ATL1: variants seen among roughly 807,000 people sequenced by gnomAD.
ATL1 encodes the protein atlastin GTPase 1.
ATL1 carries 31 observed loss-of-function variants against 75.5 expected under a neutral mutation model. The ratio of observed to expected loss-of-function variants is 0.41; its 90% CI spans 0.31 to 0.55. The LOEUF (loss-of-function observed/expected upper bound fraction) is 0.55. Among genes scored for constraint, ATL1 ranks in the 20% least tolerant of loss-of-function variants. ATL1 has a pLI of 0.27. For missense variants in ATL1, 405 were observed against 662.6 expected (o/e 0.61, Z 4.27); for synonymous variants, 226 against 233.3 (o/e 0.97, Z 0.28).
chr14:50,537,412 T>A (rs1306589004), intron 1 of ATL1, among the ~76,000 whole-genome samples: 1 of 152,298 alleles, frequency 6.6e-6, no homozygotes, highest in African/African-American at 2.4e-5. Context: ...TCTGCTAGGG[T>A]GGTGCGAAAG....
At position 50,591,054 on chromosome 14, in the gene ATL1, C is replaced by G. The variant is rs1403480636; in HGVS notation, c.396C>G (p.Ile132Met). ...GIQIWSEIFLINKPDGKKVAV... is the reference protein window; with the variant it reads ...GIQIWSEIFLMNKPDGKKVAV... Reference sequence around the variant, plus strand: ...AGATATGGAGTGAAATCTTCCTTATCAATAAACCTGATGGTAAAAAGGTAT... The same window carrying G: ...AGATATGGAGTGAAATCTTCCTTATGAATAAACCTGATGGTAAAAAGGTAT... The change falls in exon 3 of 14, where the codon ATC becomes ATG. Residue 132 changes from isoleucine (I) to methionine (M), a missense_variant. Coordinates refer to ENST00000358385, the MANE Select transcript of ATL1 (RefSeq NM_015915.5). 6.2e-7 allele frequency: 1 copy of G among 1,613,472 alleles called. No individual in the cohort carries two copies. Among genetic ancestry groups the G allele is most frequent in the African/African-American group, 1.3e-5 (1 of 75,004 alleles).
intron 8 of ATL1, among the ~76,000 whole-genome samples, chr14:50,617,133 G>C (rs1379993445): frequency 1.3e-5 from 2 of 151,982 alleles, no homozygotes; most frequent in Middle Eastern, 3.2e-3. Context: ...ATTTGTTCAT[G>C]GTCCCTCAAA....
Sources: gnomAD v4.1 joint callset for allele counts (sites outside exome capture counted in the v4.1 genomes callset) on GRCh38, gnomAD v4.1.1 for gene constraint, MANE v1.5 for transcripts, NCBI Gene and HGNC (gene_info 2026-07-23, HGNC 2026-07-21) for gene names.